GRIP1: variants seen among roughly 807,000 people sequenced by gnomAD.
GRIP1 encodes glutamate receptor-interacting protein 1.
In GRIP1, 45 loss-of-function variants were observed where a neutral mutation model predicts 129.9. The ratio of observed to expected loss-of-function variants is 0.35; its 90% CI spans 0.27 to 0.44. The LOEUF is 0.44. Among genes scored for constraint, GRIP1 ranks in the 20% least tolerant of loss-of-function variants. The pLI is 1.00. For synonymous variants in GRIP1, 530 were observed against 520.8 expected, an observed-to-expected ratio of 1.02 and a Z score of -0.24; for missense variants, 1,196 against 1,396.8, an observed-to-expected ratio of 0.86 and a Z score of 2.29.
At chr12:66,366,912 G>A in intron 23 of GRIP1, among the ~76,000 whole-genome samples, 1 of 152,080 alleles carries the variant, frequency 6.6e-6, no homozygotes, top group East Asian at 1.9e-4. Flanking sequence ...TCTAACTTGT[G>A]GGCTCAAGCG....
rs2059804172 is a variant in GRIP1 at position 66,481,475 on chromosome 12, CAG to C, written c.725-16055_725-16054del. The stretch of plus-strand genomic sequence containing the variant: ...AGATGCTGGAGAGGATGTGGAGAAA[CAG>C]AGATGCTTTTACACTGTTGGTGGAA... On this transcript the variant is annotated intron_variant, in intron 7 of 24. Transcript: ENST00000359742. Among the ~76,000 whole-genome samples, 4 of 152,160 alleles carry C rather than the reference CAG, an allele frequency of 2.6e-5. No individual in the cohort carries two copies. In the South Asian group the frequency reaches 8.3e-4, roughly 32 times the overall value.
chr12:66,700,029 C>T (rs946006131), intron 1 of GRIP1, among the ~76,000 whole-genome samples: 1 of 152,174 alleles, frequency 6.6e-6, no homozygotes, highest in Non-Finnish European at 1.5e-5. Flanking sequence ...GAGAGCTTCT[C>T]TTCTTCTGCC....
chr12:66,880,245 G>T (rs2040456280), intron 1 of GRIP1, among the ~76,000 whole-genome samples: 1 of 152,122 alleles, frequency 6.6e-6, no homozygotes, highest in South Asian at 2.1e-4. Context: ...TGGAGCCCAA[G>T]AACCTCACTA....
chr12:66,861,090 G>C (rs2040103998), intron 1 of GRIP1, among the ~76,000 whole-genome samples: 2 of 151,672 alleles, frequency 1.3e-5, no homozygotes, highest in South Asian at 4.2e-4. Flanking sequence ...TTTATCATCA[G>C]AAAAATAAAA....
intron 1 of GRIP1, among the ~76,000 whole-genome samples, chr12:66,635,245 C>A (rs146268443): frequency 4.7e-4 from 72 of 151,788 alleles, no homozygotes; most frequent in Non-Finnish European, 8.7e-4. Flanking sequence ...TAGCGAGACC[C>A]CATCTTTATT....
intron 1 of GRIP1, among the ~76,000 whole-genome samples, chr12:66,648,228 G>A (rs2032522477): frequency 6.6e-6 from 1 of 152,132 alleles, no homozygotes. Context: ...ATTCTGCCTG[G>A]TTGGTGCCTG....
chr12:66,709,559 G>C (rs2035645822), intron 1 of GRIP1, among the ~76,000 whole-genome samples: 1 of 151,912 alleles, frequency 6.6e-6, no homozygotes, highest in African/African-American at 2.4e-5. Context: ...TTTGATGACA[G>C]GGAGTTGTTC....
intron 1 of GRIP1, among the ~76,000 whole-genome samples, chr12:66,729,049 T>C (rs2036345613): frequency 8.6e-6 from 1 of 116,850 alleles, no homozygotes; most frequent in Admixed American, 9.8e-5. Context: ...ACAAAATACG[T>C]TAATTTTTTT....
At chr12:67,022,606 C>A (rs2135748034) in intron 1 of GRIP1, among the ~76,000 whole-genome samples, 1 of 152,220 alleles carries the variant, frequency 6.6e-6, no homozygotes, top group Non-Finnish European at 1.5e-5. Flanking sequence ...TTAGTGAGGT[C>A]AATCATTTTA....
chr12:66,848,785 T>C (rs1250752075), intron 1 of GRIP1, among the ~76,000 whole-genome samples: 1 of 152,152 alleles, frequency 6.6e-6, no homozygotes, highest in East Asian at 1.9e-4. Flanking sequence ...AGAAAACTGA[T>C]TGAGAGTCAA....
At chr12:66,994,162 C>G (rs953092922) in intron 1 of GRIP1, among the ~76,000 whole-genome samples, 1 of 151,536 alleles carries the variant, frequency 6.6e-6, no homozygotes, top group Non-Finnish European at 1.5e-5. Context: ...TTTCCTGAGG[C>G]CAGTATTGCC....
intron 1 of GRIP1, among the ~76,000 whole-genome samples, chr12:66,856,000 T>C (rs1003106118): frequency 6.6e-6 from 1 of 151,978 alleles, no homozygotes; most frequent in Non-Finnish European, 1.5e-5. Context: ...AAAGGGATAG[T>C]TGAATCTCAG....
chr12:66,366,010 C>G (rs1015840857), intron 23 of GRIP1, among the ~76,000 whole-genome samples: 2 of 152,190 alleles, frequency 1.3e-5, no homozygotes, highest in African/African-American at 4.8e-5. Flanking sequence ...ACTAGGAAGC[C>G]TATGTTCTCT....
chr12:66,971,275 T>G (rs2042072719), intron 1 of GRIP1, among the ~76,000 whole-genome samples: 2 of 152,190 alleles, frequency 1.3e-5, no homozygotes, highest in Admixed American at 1.3e-4. Flanking sequence ...CCAGGAAAAC[T>G]TACCAAGTTT....
At chr12:66,996,432 G>A (rs1195036041) in intron 1 of GRIP1, among the ~76,000 whole-genome samples, 2 of 151,678 alleles carry the variant, frequency 1.3e-5, no homozygotes, top group Non-Finnish European at 2.9e-5. Context: ...CAACACCTGA[G>A]CCAACACAGC....
chr12:66,859,501 AG>A (rs1403601122), intron 1 of GRIP1, among the ~76,000 whole-genome samples: 1 of 151,970 alleles, frequency 6.6e-6, no homozygotes, highest in African/African-American at 2.4e-5. Context: ...TAATACAAGT[AG>A]AAAAAAAAGT....
At chr12:66,906,771 A>G (rs1454889412) in intron 1 of GRIP1, among the ~76,000 whole-genome samples, 1 of 152,204 alleles carries the variant, frequency 6.6e-6, no homozygotes, top group East Asian at 1.9e-4. Flanking sequence ...GGGGCTAGAA[A>G]TCTACATTCT....
At chr12:66,431,580 T>G (rs1408796971) in intron 14 of GRIP1, among the ~76,000 whole-genome samples, 1 of 152,226 alleles carries the variant, frequency 6.6e-6, no homozygotes, top group African/African-American at 2.4e-5. Flanking sequence ...CCTGAACCAC[T>G]GACAGAAATG....
intron 1 of GRIP1, among the ~76,000 whole-genome samples, chr12:66,738,719 C>T (rs2036691981): frequency 6.6e-6 from 1 of 152,034 alleles, no homozygotes; most frequent in Admixed American, 6.5e-5. Flanking sequence ...TTGATGGGGG[C>T]TTACATTAGC....
Sources: gnomAD v4.1 joint callset for allele counts (sites outside exome capture counted in the v4.1 genomes callset) on GRCh38, gnomAD v4.1.1 for gene constraint, MANE v1.5 for transcripts, NCBI Gene and HGNC (gene_info 2026-07-23, HGNC 2026-07-21) for gene names.